The following GRTP1 variants were observed in gnomAD, a reference collection of about 807,000 sequenced individuals.
GRTP1 encodes the protein growth hormone regulated TBC protein 1.
GRTP1 carries 56 observed loss-of-function variants against 38.1 expected under a neutral mutation model. That is an observed-to-expected ratio of 1.47 (90% CI 1.19 to 1.84). The LOEUF (loss-of-function observed/expected upper bound fraction) is 1.84, where lower values mean the gene tolerates loss of function less well. Among genes scored for constraint, GRTP1 ranks in the 40% most tolerant of loss-of-function variants. GRTP1 has a pLI of 0.00. For synonymous variants in GRTP1, 217 were observed against 189.5 expected, an observed-to-expected ratio of 1.14 and a Z score of -1.19; for missense variants, 506 against 453.9, an observed-to-expected ratio of 1.11 and a Z score of -1.04.
chr13:113,334,308 C>A (rs907660709), intron 5 of GRTP1, among the ~76,000 whole-genome samples: 6 of 146,784 alleles, frequency 4.1e-5, no homozygotes, highest in Non-Finnish European at 9.0e-5. Context: ...TGCACTGCTA[C>A]GACAGCCTCC....
chr13:113,333,776 C>A (rs2139417204), intron 5 of GRTP1, among the ~76,000 whole-genome samples: 1 of 151,740 alleles, frequency 6.6e-6, no homozygotes, highest in South Asian at 2.1e-4. Flanking sequence ...CAGGCGAGAG[C>A]CACCACGCCC....
intron 2 of GRTP1, among the ~76,000 whole-genome samples, chr13:113,362,060 A>C (rs1403128713): frequency 6.6e-6 from 1 of 152,166 alleles, no homozygotes; most frequent in African/African-American, 2.4e-5. Flanking sequence ...GAGGCAGGAA[A>C]ATCGCTTGAA....
In GRTP1 at chr13:113,325,998, A is replaced by ACAGGCAGCT; in HGVS notation, c.655_656insAGCTGCCTG (p.Met219delinsLysLeuProVal). On this transcript the variant is annotated protein_altering_variant, in exon 6 of 8. Transcript: ENST00000375431. ...CGTCCACAGCACACCGAGACGCTCC[A>ACAGGCAGCT]TCAGGGCCCCCACAGCCGGCAGCTT... is the stretch of plus-strand genomic sequence containing the variant. 6.2e-7 allele frequency: 1 copy of ACAGGCAGCT among 1,613,760 alleles called. No homozygotes were observed. Among genetic ancestry groups the ACAGGCAGCT allele is most frequent in the Non-Finnish European group, 8.5e-7 (1 of 1,179,922 alleles).
At chr13:113,333,838 A>ATT (rs749095615) in intron 5 of GRTP1, among the ~76,000 whole-genome samples, 27 of 23,600 alleles carry the variant, frequency 1.1e-3, no homozygotes, top group Middle Eastern at 0.028. Flanking sequence ...TTATTTATTT[A>ATT]GTGTGTGTGT....
Position 113,343,462 on chromosome 13 carries a change from T to TAGAAATGA in GRTP1, c.562+1400_562+1401insTCATTTCT, listed in dbSNP as rs2043054023. ...TCTGGCATCCTCATTTCTGCGCCCT[T>TAGAAATGA]GGGTTGAGGGTGGCGCTGATTCCTC... On this transcript the variant is annotated intron_variant, in intron 5 of 7. Transcript: ENST00000375431. This position sits in a 1 kb window ranked among gnomAD's most constrained non-coding sequence, Gnocchi z 4.8. Among the ~76,000 whole-genome samples the TAGAAATGA allele has an allele frequency of 1.3e-5, 2 of 152,124 alleles. No individual in the cohort carries two copies. The highest frequency in any genetic ancestry group is 1.3e-4 in the Admixed American group (2 of 15,276).
rs1348311744 is a variant in GRTP1 at position 113,350,942 on chromosome 13, C to G, written c.372G>C (p.Lys124Asn). ...AGCAGGGGTCCGTGGTCTTCCGGAACTTCACGTTGTCGGGGAAGGTCCGGT... is the reference window on the plus strand; with the variant it reads ...AGCAGGGGTCCGTGGTCTTCCGGAAGTTCACGTTGTCGGGGAAGGTCCGGT... ...DLNRTFPDNV[K>N]FRKTTDPCLQ... Residue 124 changes from lysine to asparagine, a missense_variant, in exon 4 of 8, where the codon AAG (lysine) becomes AAC (asparagine). Transcript: ENST00000375431. 6.2e-7 allele frequency: 1 copy of G among 1,613,818 alleles called. No individual in the cohort carries two copies.
chr13:113,351,200 G>A (rs901368662), intron 3 of GRTP1, among the ~76,000 whole-genome samples: 1 of 152,152 alleles, frequency 6.6e-6, no homozygotes, highest in Non-Finnish European at 1.5e-5. Flanking sequence ...CGTCCTTCCC[G>A]CAGAGTCAGG....
In GRTP1 at chr13:113,349,896, C is replaced by T. The variant is rs915875102; in HGVS notation, c.465+953G>A. Reference sequence around the variant, plus strand: ...ACTGCTAGGTTCGAACCACCCATCGCGACGATGTCCTTCCCTGTCCTCCTA... The same window carrying T: ...ACTGCTAGGTTCGAACCACCCATCGTGACGATGTCCTTCCCTGTCCTCCTA... On this transcript the variant is annotated intron_variant, in intron 4 of 7. Coordinates refer to ENST00000375431, the MANE Select transcript of GRTP1 (RefSeq NM_024719.4). This position sits in a 1 kb window ranked among gnomAD's most constrained non-coding sequence, Gnocchi z 5.0. 6.4e-5 allele frequency among the ~76,000 whole-genome samples: 9 copies of T among 139,648 alleles called. No homozygotes were observed. Among genetic ancestry groups the T allele is most frequent in the African/African-American group, 2.4e-4 (9 of 37,014 alleles). 91.6% of individuals were successfully genotyped at this position (139,648 alleles called of 152,430 possible).
Position 113,363,806 on chromosome 13 carries a change from C to G in GRTP1, c.137G>C (p.Trp46Ser). 6.2e-7 allele frequency: 1 copy of G among 1,611,756 alleles called. No individual in the cohort carries two copies. The highest frequency in any genetic ancestry group is 8.5e-7 in the Non-Finnish European group (1 of 1,179,484). ...GCCCCCGCCCTGCAGCAGCCGGGAC[C>G]ATTTGATCGCCCTGCGGGTGAGCGT... ...LVTLTRRAIK[W>S]SRLLQGGGVP... The change falls in exon 2 of 8, where the codon TGG becomes TCG. Residue 46 changes from tryptophan to serine, a missense_variant. Physicochemically the swap from Trp to Ser is radical, Grantham distance 177. Transcript: ENST00000375431.
chr13:113,324,210 A>ATACTT lies in GRTP1; in HGVS notation c.*273_*277dup, dbSNP rs1489718725. On this transcript the variant is annotated 3_prime_UTR_variant, in exon 8 of 8. Coordinates refer to ENST00000375431, the MANE Select transcript of GRTP1 (RefSeq NM_024719.4). ...ACTGATCACAAACACAGGTGTTGGC[A>ATACTT]TACTTTATTAGATACAAACCCACAC... 2.6e-6 allele frequency: 1 copy of ATACTT among 387,266 alleles called. No homozygotes were observed. Among genetic ancestry groups the ATACTT allele is most frequent in the Non-Finnish European group, 4.5e-6 (1 of 223,960 alleles). 24.0% of individuals were successfully genotyped at this position (387,266 alleles called of 1,614,324 possible). A position where few individuals can be genotyped will look rare whatever the true frequency, so the allele number is the denominator to read the frequency against.
At chr13:113,344,734 A>AAT in intron 5 of GRTP1, 129 bp downstream of exon 5, 1 of 398,298 alleles carries the variant, frequency 2.5e-6, no homozygotes. Flanking sequence ...AAAAAAAAAA[A>AAT]ACGGTTTGTA....
chr13:113,341,142 A>C (rs1256784064), intron 5 of GRTP1, among the ~76,000 whole-genome samples: 1 of 150,616 alleles, frequency 6.6e-6, no homozygotes, highest in Non-Finnish European at 1.5e-5. Flanking sequence ...TTCTAAACTC[A>C]CGAATGCACC....
At chr13:113,345,375 G>A (rs555920222) in intron 4 of GRTP1, among the ~76,000 whole-genome samples, 17 of 152,334 alleles carry the variant, frequency 1.1e-4, no homozygotes, top group African/African-American at 3.4e-4. Context: ...GCTGACACGC[G>A]GGTGTTAGGA....
Position 113,349,677 on chromosome 13 carries a change from T to C in GRTP1, c.465+1172A>G, listed in dbSNP as rs1412872010. Among the ~76,000 whole-genome samples, 1 of 152,242 alleles carries C rather than the reference T, an allele frequency of 6.6e-6. No homozygotes were observed. Among genetic ancestry groups the C allele is most frequent in the African/African-American group, 2.4e-5 (1 of 41,478 alleles). On this transcript the variant is annotated intron_variant, in intron 4 of 7. Transcript: ENST00000375431. This position sits in a 1 kb window ranked among gnomAD's most constrained non-coding sequence, Gnocchi z 5.0. ...CAGCGTGGTCCCGTGGCTCTGCTGC[T>C]GGCCTTTCACAGGGCGCTCCTCACG...
chr13:113,360,081 G>A (rs572924424), intron 2 of GRTP1: 20 of 152,210 alleles, frequency 1.3e-4, no homozygotes, highest in African/African-American at 4.3e-4. Flanking sequence ...ATGTTTTCTC[G>A]ATTTAACTTA....
rs2043077636 is a variant in GRTP1, at chr13:113,344,877, C to T, written c.548G>A (p.Gly183Glu). Residue 183 changes from glycine to glutamate, a missense_variant, in exon 5 of 8, where the codon GGA (glycine) becomes GAA (glutamate). Coordinates refer to ENST00000375431, the MANE Select transcript of GRTP1 (RefSeq NM_024719.4). ...TTTCAACATACCTGGTAGTATTCTT[C>T]CAACAAGAGCATCTAACAGCCAAAA... is the stretch of plus-strand genomic sequence containing the variant. The part of the protein sequence containing the change: ...ESFWLLDALV[G>E]RILPDYYSPA... The T allele has an allele frequency of 6.2e-7, 1 of 1,608,060 alleles. No homozygotes were observed.
At chr13:113,339,397 G>A (rs1484990363) in intron 5 of GRTP1, 1 of 152,074 alleles carries the variant, frequency 6.6e-6, no homozygotes, top group Non-Finnish European at 1.5e-5. Flanking sequence ...TATACTTTTT[G>A]AATTATGTTC....
At chr13:113,330,214 CA>C (rs2042840250) in intron 5 of GRTP1, among the ~76,000 whole-genome samples, 2 of 142,410 alleles carry the variant, frequency 1.4e-5, no homozygotes, top group African/African-American at 5.5e-5. Flanking sequence ...CATGGGAGCC[CA>C]GGTGCGTGGA....
intron 5 of GRTP1, 63 bp downstream of exon 5, chr13:113,344,800 G>A: frequency 6.8e-7 from 1 of 1,469,252 alleles, no homozygotes; most frequent in Non-Finnish European, 9.1e-7. Flanking sequence ...TTTCTCAGCG[G>A]AATCATTTTG....
Sources: gnomAD v4.1 joint callset for allele counts (sites outside exome capture counted in the v4.1 genomes callset) on GRCh38, gnomAD v4.1.1 for gene constraint, Gnocchi (gnomAD v3.1) non-coding constraint, MANE v1.5 for transcripts, NCBI Gene and HGNC (gene_info 2026-07-23, HGNC 2026-07-21) for gene names.